The following FMNL2 variants were observed in gnomAD, a reference collection of about 807,000 sequenced individuals.
The protein encoded by FMNL2 is formin-like protein 2.
In FMNL2, 51 loss-of-function variants were observed where a neutral mutation model predicts 130.2. That is an observed-to-expected ratio of 0.39 (90% CI 0.31 to 0.49). FMNL2 has a LOEUF of 0.49. Ranked by LOEUF, FMNL2 falls within the 20% of genes least tolerant of loss-of-function variation. The pLI is 0.85. For synonymous variants in FMNL2, 465 were observed against 467.1 expected, an observed-to-expected ratio of 1.00 and a Z score of 0.06; for missense variants, 977 against 1,316.2, an observed-to-expected ratio of 0.74 and a Z score of 3.99.
chr2:152,438,417 C>T (rs1687886400), intron 1 of FMNL2, among the ~76,000 whole-genome samples: 1 of 152,140 alleles, frequency 6.6e-6, no homozygotes. Flanking sequence ...GGGGAATGGA[C>T]AGATCAAGTC....
At position 152,636,409 on chromosome 2, in the gene FMNL2, G is replaced by C; in HGVS notation, c.2681-18G>C. Reference sequence around the variant, plus strand: ...CTTCCCCATTGAGTTTCACTGGGATGTTCTTTCTCTGCTTTAGTCTCCCTT... The same window carrying C: ...CTTCCCCATTGAGTTTCACTGGGATCTTCTTTCTCTGCTTTAGTCTCCCTT... On this transcript the variant is annotated intron_variant, in intron 21 of 25. Coordinates refer to ENST00000288670, the MANE Select transcript of FMNL2 (RefSeq NM_052905.4). The C allele has an allele frequency of 3.1e-6, 5 of 1,603,994 alleles. No homozygotes were observed. Among genetic ancestry groups the C allele is most frequent in the Non-Finnish European group, 4.3e-6 (5 of 1,174,500 alleles).
intron 1 of FMNL2, among the ~76,000 whole-genome samples, chr2:152,471,237 C>T (rs1020502256): frequency 6.6e-6 from 1 of 151,736 alleles, no homozygotes; most frequent in African/African-American, 2.4e-5. Flanking sequence ...CTCTTTGTAC[C>T]GTTTGAACAG....
intron 10 of FMNL2, among the ~76,000 whole-genome samples, chr2:152,609,763 A>T (rs771103439): frequency 1.1e-4 from 17 of 152,128 alleles, no homozygotes; most frequent in South Asian, 6.2e-4. Flanking sequence ...TGATAAAAAA[A>T]TTTTTTAAAA....
chr2:152,639,681 T>C (rs1438746237), intron 23 of FMNL2, among the ~76,000 whole-genome samples: 1 of 152,056 alleles, frequency 6.6e-6, no homozygotes, highest in African/African-American at 2.4e-5. Flanking sequence ...TGCCCACCAG[T>C]GTGTGGGACA....
intron 11 of FMNL2, among the ~76,000 whole-genome samples, chr2:152,612,078 T>C (rs1473624491): frequency 6.6e-6 from 1 of 152,246 alleles, no homozygotes; most frequent in Admixed American, 6.5e-5. Flanking sequence ...AGCTGCTAAA[T>C]TCTGCTTCAA....
intron 9 of FMNL2, among the ~76,000 whole-genome samples, chr2:152,589,639 T>C (rs1697274244): frequency 6.6e-6 from 1 of 152,184 alleles, no homozygotes; most frequent in Non-Finnish European, 1.5e-5. Context: ...TGAAGCACTC[T>C]GCTGTGAGCT....
chr2:152,558,909 G>C, intron 5 of FMNL2, 86 bp downstream of exon 5: 2 of 1,200,086 alleles, frequency 1.7e-6, no homozygotes, highest in Non-Finnish European at 1.2e-6. Context: ...ACCACAGAGA[G>C]GGCAGAAACT....
intron 9 of FMNL2, among the ~76,000 whole-genome samples, chr2:152,602,711 A>G (rs113264944): frequency 2.4e-3 from 359 of 152,350 alleles, no homozygotes; most frequent in African/African-American, 7.8e-3. Flanking sequence ...AGTGATGCCC[A>G]TCAATATAGA....
intron 5 of FMNL2, among the ~76,000 whole-genome samples, chr2:152,559,226 A>G (rs1166631084): frequency 6.6e-6 from 1 of 152,246 alleles, no homozygotes; most frequent in Non-Finnish European, 1.5e-5. Context: ...GTAAGTGCAT[A>G]GAAAATGATT....
intron 1 of FMNL2, among the ~76,000 whole-genome samples, chr2:152,431,546 G>T (rs1276206695): frequency 6.6e-6 from 1 of 152,206 alleles, no homozygotes; most frequent in Non-Finnish European, 1.5e-5. Context: ...TTGTGATTTT[G>T]TATTGCAGTC....
chr2:152,622,392 A>G (rs1226851724), intron 15 of FMNL2: 1 of 430,050 alleles, frequency 2.3e-6, no homozygotes, highest in African/African-American at 2.0e-5. Flanking sequence ...CTGAATGGAA[A>G]TGAATTTTTG....
chr2:152,619,623 C>A lies in FMNL2; in HGVS notation c.1742C>A (p.Thr581Asn). 1 of 1,490,656 alleles carries A rather than the reference C, an allele frequency of 6.7e-7. No individual in the cohort carries two copies. The highest frequency in any genetic ancestry group is 1.5e-5 in the African/African-American group (1 of 68,872). The allele number at this position is 1,490,656 out of a possible 1,614,324, so 92.3% of individuals were successfully genotyped here. A position where few individuals can be genotyped will look rare whatever the true frequency, so the allele number is the denominator to read the frequency against. The change falls in exon 15 of 26, where the codon ACT becomes AAT. Residue 581 changes from threonine to asparagine, a missense_variant. Coordinates refer to ENST00000288670, the MANE Select transcript of FMNL2 (RefSeq NM_052905.4). ...CCTCTCCCAGGCCCTGCAGCTGAGA[C>A]TGTACCAGCTCCTCCCTTAGCACCT... Reference protein sequence around the residue: ...PPPLPGPAAETVPAPPLAPPL... With the variant: ...PPPLPGPAAENVPAPPLAPPL...
intron 1 of FMNL2, among the ~76,000 whole-genome samples, chr2:152,487,418 A>G (rs1558905457): frequency 6.6e-6 from 1 of 152,234 alleles, no homozygotes; most frequent in Non-Finnish European, 1.5e-5. Flanking sequence ...GATAAAACCT[A>G]ATACTGACTT....
intron 1 of FMNL2, among the ~76,000 whole-genome samples, chr2:152,366,632 A>G (rs537550990): frequency 1.3e-5 from 2 of 152,262 alleles, no homozygotes; most frequent in African/African-American, 4.8e-5. Context: ...TATTAATCCT[A>G]CTAGAGCTGT....
chr2:152,397,690 G>A (rs924615315), intron 1 of FMNL2, among the ~76,000 whole-genome samples: 13 of 151,690 alleles, frequency 8.6e-5, no homozygotes, highest in African/African-American at 3.2e-4. Flanking sequence ...CCAGAAGCAT[G>A]GACCTTTCCT....
At chr2:152,384,590 GTGAAAGAGCATCCTTCAAA>G (rs972100666) in intron 1 of FMNL2, among the ~76,000 whole-genome samples, 1 of 152,192 alleles carries the variant, frequency 6.6e-6, no homozygotes, top group Non-Finnish European at 1.5e-5. Context: ...GGCTTCCTGA[GTGAAAGAGCATCCTTCAAA>G]CATCGTGCTT....
chr2:152,520,282 G>T (rs562128931), intron 1 of FMNL2, among the ~76,000 whole-genome samples: 1 of 90,002 alleles, frequency 1.1e-5, no homozygotes, highest in African/African-American at 3.9e-5. Context: ...TCAGCTTTGA[G>T]GGGGGGTGAT....
At chr2:152,351,731 G>C (rs551233039) in intron 1 of FMNL2, among the ~76,000 whole-genome samples, 3 of 152,224 alleles carry the variant, frequency 2.0e-5, no homozygotes, top group Admixed American at 2.0e-4. Flanking sequence ...TGGGATTGCT[G>C]GGTCAAATGG....
intron 1 of FMNL2, among the ~76,000 whole-genome samples, chr2:152,348,960 C>G (rs1041383374): frequency 6.9e-6 from 1 of 143,918 alleles, no homozygotes; most frequent in African/African-American, 2.7e-5. Flanking sequence ...TCAGCCTCCC[C>G]AGTAGCTGGG....
Sources: allele counts gnomAD v4.1 joint callset (sites outside exome capture counted in the v4.1 genomes callset), GRCh38; gene constraint gnomAD v4.1.1; transcripts MANE v1.5; gene names NCBI Gene and HGNC (gene_info 2026-07-23, HGNC 2026-07-21).